Variants in ANKRD36C observed in about 807,000 individuals in gnomAD.
ANKRD36C encodes the protein ankyrin repeat domain 36C.
A neutral mutation model predicts 276.4 loss-of-function variants in ANKRD36C; 61 were observed. The ratio of observed to expected loss-of-function variants is 0.22; its 90% CI spans 0.18 to 0.27. ANKRD36C has a LOEUF of 0.27. Among genes scored for constraint, ANKRD36C ranks in the 10% least tolerant of loss-of-function variants. ANKRD36C has a pLI of 1.00. For missense variants in ANKRD36C, 1,447 were observed against 2,032.3 expected, an observed-to-expected ratio of 0.71 and a Z score of 5.54; for synonymous variants, 483 against 680.1, an observed-to-expected ratio of 0.71 and a Z score of 4.51.
chr2:95,858,229 C>T (rs1472609679), intron 61 of ANKRD36C, among the ~76,000 whole-genome samples: 2 of 152,122 alleles, frequency 1.3e-5, no homozygotes, highest in African/African-American at 4.8e-5. Context: ...TCATGTTTGG[C>T]TCAGAATAAA....
intron 4 of ANKRD36C, 62 bp downstream of exon 4, chr2:95,982,194 C>G: frequency 7.7e-7 from 1 of 1,294,186 alleles, no homozygotes; most frequent in East Asian, 2.7e-5. Flanking sequence ...CTTCAGTGAC[C>G]GCTACCACTC....
At chr2:95,888,210 T>C (rs1262411264) in intron 48 of ANKRD36C, 90 bp from the exon 69 acceptor site, 24 of 1,582,556 alleles carry the variant, frequency 1.5e-5, no homozygotes, top group South Asian at 8.9e-5. Context: ...AAGATGTATC[T>C]TCCTGCCTGT....
chr2:95,928,126 C>T (rs1231821826), intron 26 of ANKRD36C, among the ~76,000 whole-genome samples: 1 of 151,620 alleles, frequency 6.6e-6, no homozygotes, highest in Admixed American at 6.6e-5. Flanking sequence ...CAAAGTAAAA[C>T]TGCTACAAGC....
chr2:95,884,954 G>A (rs561698474), intron 52 of ANKRD36C, among the ~76,000 whole-genome samples: 83 of 152,092 alleles, frequency 5.5e-4, no homozygotes, highest in African/African-American at 1.8e-3. Flanking sequence ...TCACACCCAC[G>A]TGGTGTAATA....
chr2:95,891,673 G>C (rs756913026), exon 46 of ANKRD36C: 10 of 1,560,372 alleles, frequency 6.4e-6, no homozygotes, highest in Non-Finnish European at 8.7e-6. Flanking sequence ...ACCTCTCCTA[G>C]TTTTTTCTCC....
chr2:95,902,365 T>C (rs1375175820), intron 42 of ANKRD36C, among the ~76,000 whole-genome samples: 2 of 149,708 alleles, frequency 1.3e-5, no homozygotes, highest in African/African-American at 2.5e-5. Flanking sequence ...ACTCAGGTTT[T>C]CTCAGCAGAA....
Position 95,949,112 on chromosome 2 carries a change from A to C in ANKRD36C, c.1296-516T>G, listed in dbSNP as rs989100519. The stretch of plus-strand genomic sequence containing the variant: ...AGATCTTCAGCATGTAAGCTACTTA[A>C]AGAGGGCCCACTGATTCTCTTCACC... On this transcript the variant is annotated intron_variant, in intron 16 of 66. Transcript: ENST00000456556. 3.3e-5 allele frequency among the ~76,000 whole-genome samples: 5 copies of C among 152,182 alleles called. No individual in the cohort carries two copies. In the South Asian group the frequency reaches 1.0e-3, roughly 32 times the overall value.
chr2:95,919,870 A>G lies in ANKRD36C; in HGVS notation c.2245+1737T>C, dbSNP rs1486118802. ...AATGAAGTATGTGTCATAGACTACA[A>G]TGTAAATGAGAGTTTAATTACCTTC... On this transcript the variant is annotated intron_variant, in intron 34 of 66. Transcript: ENST00000456556. 39 of 1,544,972 alleles carry G rather than the reference A, an allele frequency of 2.5e-5. No individual in the cohort carries two copies. In the Middle Eastern group the frequency reaches 6.8e-4, roughly 27 times the overall value.
At chr2:95,862,736 G>A (rs1675612069) in intron 60 of ANKRD36C, among the ~76,000 whole-genome samples, 1 of 151,994 alleles carries the variant, frequency 6.6e-6, no homozygotes. Context: ...AATCACAGAT[G>A]TGACGGTATT....
chr2:95,892,081 G>C (rs1242355544), intron 44 of ANKRD36C, among the ~76,000 whole-genome samples: 1 of 151,552 alleles, frequency 6.6e-6, no homozygotes, highest in African/African-American at 2.4e-5. Flanking sequence ...AACATGGTAT[G>C]ATTTGTCATA....
intron 3 of ANKRD36C, among the ~76,000 whole-genome samples, chr2:95,984,130 T>A (rs953055899): frequency 6.6e-6 from 1 of 151,928 alleles, no homozygotes; most frequent in Non-Finnish European, 1.5e-5. Flanking sequence ...AGGATTTATA[T>A]AAAATATAGA....
intron 19 of ANKRD36C, among the ~76,000 whole-genome samples, chr2:95,942,679 A>T (rs981160003): frequency 2.6e-4 from 39 of 152,414 alleles, no homozygotes; most frequent in African/African-American, 9.1e-4. Flanking sequence ...AAGTAAAATA[A>T]TCATATCACC....
At chr2:95,987,292 A>G (rs1210131836) in intron 1 of ANKRD36C, 86 bp from the exon 2 acceptor site, 11 of 1,477,152 alleles carry the variant, frequency 7.4e-6, no homozygotes, top group Non-Finnish European at 9.9e-6. Flanking sequence ...CAAATATGTA[A>G]TTTTCTTGTG....
chr2:95,965,942 T>G (rs1376529857), intron 6 of ANKRD36C, among the ~76,000 whole-genome samples: 1 of 152,148 alleles, frequency 6.6e-6, no homozygotes, highest in East Asian at 1.9e-4. Flanking sequence ...TTTGGGTGAT[T>G]TCTTTTTCTT....
At position 95,855,858 on chromosome 2, in the gene ANKRD36C, C is replaced by T. The variant is rs531531719; in HGVS notation, c.4403G>A (p.Arg1468His). 1.3e-4 allele frequency: 214 copies of T among 1,613,792 alleles called. 1 individual carries two copies. The highest frequency in any genetic ancestry group is 4.5e-4 in the East Asian group (20 of 44,870). ...ACATAGAGCAGCATTCAGTCTACAA[C>T]GGTATGATTGCATTTCTGTTTCCAG... Residue 1468 changes from arginine to histidine, a missense_variant, in exon 63 of 67, where the codon CGT (arginine) becomes CAT (histidine). Around this residue, in one of 13 missense-constraint regions of ANKRD36C, gnomAD observed 437 missense variants for 641.0 expected, o/e 0.68. Transcript: ENST00000456556.
chr2:95,926,848 C>T (rs1297173160), intron 28 of ANKRD36C, among the ~76,000 whole-genome samples: 2 of 151,584 alleles, frequency 1.3e-5, no homozygotes, highest in African/African-American at 4.8e-5. Context: ...ACCATAATTT[C>T]TCCATCTGTT....
chr2:95,892,660 G>A (rs1676408718), intron 44 of ANKRD36C, among the ~76,000 whole-genome samples: 1 of 151,410 alleles, frequency 6.6e-6, no homozygotes, highest in Non-Finnish European at 1.5e-5. Context: ...CACTATAAAT[G>A]ACCATTTTAG....
At chr2:95,853,688 T>C (rs200500766) in intron 64 of ANKRD36C, 21 bp downstream of exon 84, 1 of 1,562,312 alleles carries the variant, frequency 6.4e-7, no homozygotes, top group South Asian at 1.2e-5. Flanking sequence ...CAGTTGTTGG[T>C]GTGCAAAGTT....
chr2:95,922,146 C>T (rs1054431273), intron 32 of ANKRD36C, among the ~76,000 whole-genome samples: 1 of 151,608 alleles, frequency 6.6e-6, no homozygotes, highest in Non-Finnish European at 1.5e-5. Context: ...GGGAAAATCT[C>T]AAAGCAGGTG....
Sources: allele counts gnomAD v4.1 joint callset (sites outside exome capture counted in the v4.1 genomes callset), GRCh38; gene constraint gnomAD v4.1.1; regional missense constraint gnomAD v4.1.1; transcripts MANE v1.5; gene names NCBI Gene and HGNC (gene_info 2026-07-23, HGNC 2026-07-21).